Variants in GLTP observed in about 807,000 individuals in gnomAD.
GLTP encodes the protein glycolipid transfer protein.
In GLTP, 22 loss-of-function variants were observed where a neutral mutation model predicts 24.0. That is an observed-to-expected ratio of 0.92 (90% CI 0.65 to 1.31). GLTP has a LOEUF of 1.31. GLTP is among the 50% of genes most tolerant of loss of function. The pLI is 0.00. For synonymous variants in GLTP, 92 were observed against 115.9 expected, an observed-to-expected ratio of 0.79 and a Z score of 1.33; for missense variants, 224 against 276.6, an observed-to-expected ratio of 0.81 and a Z score of 1.35.
At chr12:109,864,452 G>A (rs1051490061) in intron 1 of GLTP, among the ~76,000 whole-genome samples, 5 of 152,186 alleles carry the variant, frequency 3.3e-5, no homozygotes, top group African/African-American at 1.2e-4. Context: ...AACCACTCCA[G>A]GTTCAGGCCC....
At chr12:109,871,814 C>T (rs544296185) in intron 1 of GLTP, among the ~76,000 whole-genome samples, 1 of 152,330 alleles carries the variant, frequency 6.6e-6, no homozygotes, top group African/African-American at 2.4e-5. Flanking sequence ...CATTCCTTTT[C>T]ACGTGGATAT....
At position 109,857,707 on chromosome 12, in the gene GLTP, G is replaced by C; in HGVS notation, c.163-48C>G. ...TCCCCTTGGGTAAGCTGCCCCCATAGACATCTGGCCCGCACGCTGGGTGAA... is the reference window on the plus strand; with the variant it reads ...TCCCCTTGGGTAAGCTGCCCCCATACACATCTGGCCCGCACGCTGGGTGAA... On this transcript the variant is annotated intron_variant, in intron 2 of 4. Transcript: ENST00000318348. The surrounding 1 kb of genome is among the most constrained non-coding windows in gnomAD (Gnocchi z 4.3). 2 of 1,609,804 alleles carry C rather than the reference G, an allele frequency of 1.2e-6. No individual in the cohort carries two copies. Among genetic ancestry groups the C allele is most frequent in the African/African-American group, 2.7e-5 (2 of 74,926 alleles).
At chr12:109,878,202 A>G (rs908339133) in intron 1 of GLTP, among the ~76,000 whole-genome samples, 4 of 152,084 alleles carry the variant, frequency 2.6e-5, no homozygotes, top group Admixed American at 2.0e-4. Context: ...TTCCTCCAAA[A>G]CCAGCCAGAT....
At chr12:109,877,568 A>G (rs1470630900) in intron 1 of GLTP, among the ~76,000 whole-genome samples, 1 of 152,150 alleles carries the variant, frequency 6.6e-6, no homozygotes, top group Admixed American at 6.5e-5. Context: ...CTTACAATGC[A>G]CAGGACAGCC....
At chr12:109,867,428 C>T (rs1278265853) in intron 1 of GLTP, among the ~76,000 whole-genome samples, 4 of 152,146 alleles carry the variant, frequency 2.6e-5, no homozygotes, top group South Asian at 2.1e-4. Context: ...GAATTACAGG[C>T]GTGAGCTACC....
Position 109,857,877 on chromosome 12 carries a change from C to G in GLTP, c.163-218G>C, listed in dbSNP as rs551395890. The G allele has an allele frequency of 1.6e-5, 9 of 576,250 alleles. No individual in the cohort carries two copies. Among genetic ancestry groups the G allele is most frequent in the Non-Finnish European group, 2.5e-5 (8 of 322,408 alleles). The allele number at this position is 576,250 out of a possible 1,614,324, so 35.7% of individuals were successfully genotyped here. On this transcript the variant is annotated intron_variant, in intron 2 of 4. Transcript: ENST00000318348. The surrounding 1 kb of genome is among the most constrained non-coding windows in gnomAD (Gnocchi z 4.3). Reference sequence around the variant, plus strand: ...TACCTTATATGATCCTGGTGGCAAACCTGATGTTGCTGTCATTATCCCATT... The same window carrying G: ...TACCTTATATGATCCTGGTGGCAAAGCTGATGTTGCTGTCATTATCCCATT...
intron 1 of GLTP, among the ~76,000 whole-genome samples, chr12:109,864,234 T>C (rs2136045752): frequency 6.6e-6 from 1 of 152,294 alleles, no homozygotes; most frequent in African/African-American, 2.4e-5. Context: ...TTCCATGCTC[T>C]ACCCACAGGG....
intron 1 of GLTP, among the ~76,000 whole-genome samples, chr12:109,865,571 T>A (rs1330172591): frequency 2.0e-5 from 3 of 150,358 alleles, no homozygotes; most frequent in African/African-American, 7.4e-5. Flanking sequence ...GAGGTTACAG[T>A]GAGTTGAGAT....
rs1233084001 is a variant in GLTP at position 109,852,611 on chromosome 12, C to G, written c.574G>C (p.Asp192His). 4 of 1,608,130 alleles carry G rather than the reference C, an allele frequency of 2.5e-6. No homozygotes were observed. Among genetic ancestry groups the G allele is most frequent in the Non-Finnish European group, 3.4e-6 (4 of 1,174,662 alleles). Residue 192 changes from aspartate (D) to histidine (H), a missense_variant, in exon 5 of 5, where the codon GAT (aspartate) becomes CAT (histidine). By Grantham distance (81) the Asp-to-His change is moderately conservative. Coordinates refer to ENST00000318348, the MANE Select transcript of GLTP (RefSeq NM_016433.4). ...TGGGTGTACATCTCGTAGATGACATCGATGGTCGCCGTGTAGTTGACTAGG... is the reference window on the plus strand; with the variant it reads ...TGGGTGTACATCTCGTAGATGACATGGATGGTCGCCGTGTAGTTGACTAGG... ...LFLVNYTATIDVIYEMYTQMN... is the reference protein window; with the variant it reads ...LFLVNYTATIHVIYEMYTQMN...
At chr12:109,878,032 G>A (rs1868940609) in intron 1 of GLTP, among the ~76,000 whole-genome samples, 2 of 152,098 alleles carry the variant, frequency 1.3e-5, no homozygotes, top group Non-Finnish European at 2.9e-5. Context: ...ACCCCACTGC[G>A]GCTTCTGTAT....
Position 109,852,733 on chromosome 12 carries a change from G to A in GLTP, c.452C>T (p.Ala151Val), listed in dbSNP as rs1454003483. The change falls in exon 5 of 5, where the codon GCA (alanine) becomes GTA (valine). Residue 151 changes from alanine (A) to valine (V), a missense_variant. Ala to Val is a moderately conservative substitution (Grantham distance 64). Transcript: ENST00000318348. ...GWIVQKIFQA[A>V]LYAAPYKSDF... ...AGACTTATAGGGTGCTGCGTACAGT[G>A]CTGCCTTGAGACAGGCAAGAAGGGA... 6.2e-7 allele frequency: 1 copy of A among 1,608,620 alleles called. No homozygotes were observed. The highest frequency in any genetic ancestry group is 8.5e-7 in the Non-Finnish European group (1 of 1,175,578).
At chr12:109,878,894 C>T (rs1868967977) in intron 1 of GLTP, among the ~76,000 whole-genome samples, 2 of 152,234 alleles carry the variant, frequency 1.3e-5, no homozygotes, top group Non-Finnish European at 1.5e-5. Flanking sequence ...CTCCCTCAAA[C>T]ACCGATTAAT....
chr12:109,880,176 G>A lies in GLTP; in HGVS notation c.103+96C>T, dbSNP rs1830713306. ...GTGCCTGGGGAAACAGTACTTAGGG[G>A]TGTCTAGGGCAGAGATGGTTAGGGG... On this transcript the variant is annotated intron_variant, in intron 1 of 4. Transcript: ENST00000318348. This position sits in a 1 kb window ranked among gnomAD's most constrained non-coding sequence, Gnocchi z 5.1. 1 of 704,820 alleles carries A rather than the reference G, an allele frequency of 1.4e-6. No homozygotes were observed. Among genetic ancestry groups the A allele is most frequent in the South Asian group, 1.5e-5 (1 of 65,020 alleles). 43.7% of individuals were successfully genotyped at this position (704,820 alleles called of 1,614,324 possible).
chr12:109,852,357 G>A lies in GLTP; in HGVS notation c.*198C>T, dbSNP rs1325481526. ...TTGGAAGTAAGATCATTATTTACTG[G>A]TCCTTTAGAATAGACCAAAAAAAAA... On this transcript the variant is annotated 3_prime_UTR_variant, in exon 5 of 5. Coordinates refer to ENST00000318348, the MANE Select transcript of GLTP (RefSeq NM_016433.4). 2.2e-6 allele frequency: 1 copy of A among 454,746 alleles called. No individual in the cohort carries two copies. The highest frequency in any genetic ancestry group is 3.2e-5 in the East Asian group (1 of 30,932). 28.2% of individuals were successfully genotyped at this position (454,746 alleles called of 1,614,324 possible). A position where few individuals can be genotyped will look rare whatever the true frequency, so the allele number is the denominator to read the frequency against.
At position 109,855,889 on chromosome 12, in the gene GLTP, T is replaced by A; in HGVS notation, c.297-120A>T. ...AGGAACATGGGCGCCCCAGAGGGAGTGGTTATTCCCTAATCATCTTTCCCT... is the reference window on the plus strand; with the variant it reads ...AGGAACATGGGCGCCCCAGAGGGAGAGGTTATTCCCTAATCATCTTTCCCT... On this transcript the variant is annotated intron_variant, in intron 3 of 4. Coordinates refer to ENST00000318348, the MANE Select transcript of GLTP (RefSeq NM_016433.4). The surrounding 1 kb of genome is among the most constrained non-coding windows in gnomAD (Gnocchi z 4.1). The A allele has an allele frequency of 1.4e-6, 1 of 713,680 alleles. No homozygotes were observed. The highest frequency in any genetic ancestry group is 2.2e-6 in the Non-Finnish European group (1 of 450,772). 44.2% of individuals were successfully genotyped at this position (713,680 alleles called of 1,614,324 possible).
At chr12:109,877,980 G>A (rs533199007) in intron 1 of GLTP, among the ~76,000 whole-genome samples, 9 of 152,138 alleles carry the variant, frequency 5.9e-5, no homozygotes, top group East Asian at 1.9e-4. Context: ...AAACAGCTCT[G>A]GTGGGCAGAG....
At chr12:109,865,381 CTT>C (rs1868489595) in intron 1 of GLTP, among the ~76,000 whole-genome samples, 1 of 152,048 alleles carries the variant, frequency 6.6e-6, no homozygotes, top group South Asian at 2.1e-4. Context: ...AATCCCAACA[CTT>C]TGGGAGGCCG....
rs1407683811 is a variant in GLTP, at chr12:109,851,133, G to A, written c.*1422C>T. The A allele has an allele frequency of 6.6e-6, 1 of 152,568 alleles. No homozygotes were observed. The highest frequency in any genetic ancestry group is 1.5e-5 in the Non-Finnish European group (1 of 68,032). 9.5% of individuals were successfully genotyped at this position (152,568 alleles called of 1,614,324 possible). A position where few individuals can be genotyped will look rare whatever the true frequency, so the allele number is the denominator to read the frequency against. On this transcript the variant is annotated 3_prime_UTR_variant, in exon 5 of 5. Coordinates refer to ENST00000318348, the MANE Select transcript of GLTP (RefSeq NM_016433.4). ...GAAGAACAGTTAAGGTTAAGGCAGTGAGGCGTTTTCTTGGATCTTAGCAGC... is the reference window on the plus strand; with the variant it reads ...GAAGAACAGTTAAGGTTAAGGCAGTAAGGCGTTTTCTTGGATCTTAGCAGC...
intron 4 of GLTP, among the ~76,000 whole-genome samples, chr12:109,854,336 G>A (rs889865665): frequency 9.4e-5 from 14 of 148,318 alleles, no homozygotes; most frequent in African/African-American, 3.3e-4. Flanking sequence ...CTCCAGCCTG[G>A]GCGACAGCGA....
Sources: allele counts gnomAD v4.1 joint callset (sites outside exome capture counted in the v4.1 genomes callset), GRCh38; gene constraint gnomAD v4.1.1; non-coding constraint Gnocchi (gnomAD v3.1); transcripts MANE v1.5; gene names NCBI Gene and HGNC (gene_info 2026-07-23, HGNC 2026-07-21).